The following MNAT1 variants were observed in gnomAD, a reference collection of about 807,000 sequenced individuals.
The protein encoded by MNAT1 is MNAT1 component of CDK activating kinase.
A neutral mutation model predicts 42.0 loss-of-function variants in MNAT1; 43 were observed. That is an observed-to-expected ratio of 1.02 (90% confidence interval 0.80 to 1.32). The LOEUF (loss-of-function observed/expected upper bound fraction) is 1.32. Among genes scored for constraint, MNAT1 ranks in the 40% most tolerant of loss-of-function variants. The probability of loss-of-function intolerance (pLI) is 0.00; values close to 1 mark genes in which losing one functional copy is unlikely to be tolerated. For missense variants in MNAT1, 306 were observed against 350.4 expected (o/e 0.87, Z 1.01); for synonymous variants, 118 against 120.0 (o/e 0.98, Z 0.11).
Position 60,734,762 on chromosome 14 carries a change from A to C in MNAT1, c.-101A>C, listed in dbSNP as rs1420861131. On this transcript the variant is annotated 5_prime_UTR_variant, in exon 1 of 8. Transcript: ENST00000261245. This position sits in a 1 kb window ranked among gnomAD's most constrained non-coding sequence, Gnocchi z 4.3. Reference sequence around the variant, plus strand: ...TTTCGCGAAGGGACCGTCTCTGCCAAGCGCCTGTTGGTAGGAACCTGCTTG... The same window carrying C: ...TTTCGCGAAGGGACCGTCTCTGCCACGCGCCTGTTGGTAGGAACCTGCTTG... The C allele has an allele frequency of 9.7e-7, 1 of 1,029,478 alleles. No homozygotes were observed. The highest frequency in any genetic ancestry group is 1.4e-5 in the South Asian group (1 of 73,218). The allele number at this position is 1,029,478 out of a possible 1,614,324, so 63.8% of individuals were successfully genotyped here.
intron 1 of MNAT1, among the ~76,000 whole-genome samples, chr14:60,767,845 A>G (rs892198557): frequency 1.3e-5 from 2 of 151,408 alleles, no homozygotes; most frequent in Non-Finnish European, 2.9e-5. Flanking sequence ...GCTCACTGCA[A>G]CCTCCGCTCC....
At chr14:60,789,390 A>G (rs992906473) in intron 1 of MNAT1, among the ~76,000 whole-genome samples, 7 of 152,208 alleles carry the variant, frequency 4.6e-5, no homozygotes, top group Admixed American at 3.9e-4. Flanking sequence ...TGTGAGAATT[A>G]CCAAAATGTG....
At chr14:60,887,562 CTCA>C (rs1195321068) in intron 7 of MNAT1, among the ~76,000 whole-genome samples, 1 of 151,824 alleles carries the variant, frequency 6.6e-6, no homozygotes, top group African/African-American at 2.4e-5. Flanking sequence ...AGGACATGAA[CTCA>C]TCATTTTTCA....
At chr14:60,892,741 A>C (rs1453140797) in intron 7 of MNAT1, among the ~76,000 whole-genome samples, 1 of 151,644 alleles carries the variant, frequency 6.6e-6, no homozygotes, top group Non-Finnish European at 1.5e-5. Context: ...CTTATCCTCT[A>C]TTGTGTATAT....
chr14:60,858,705 A>G (rs1270956136), intron 6 of MNAT1, among the ~76,000 whole-genome samples: 1 of 152,194 alleles, frequency 6.6e-6, no homozygotes, highest in African/African-American at 2.4e-5. Context: ...CAGCTAGTCC[A>G]ATCTTTAGCA....
chr14:60,869,040 A>ATTTTTT (rs71114162), intron 6 of MNAT1, among the ~76,000 whole-genome samples: 2 of 113,054 alleles, frequency 1.8e-5, no homozygotes, highest in African/African-American at 3.4e-5. Context: ...ATATATATAT[A>ATTTTTT]TTTTTTTTTT....
At chr14:60,892,076 G>C (rs537016530) in intron 7 of MNAT1, among the ~76,000 whole-genome samples, 15 of 152,194 alleles carry the variant, frequency 9.9e-5, no homozygotes, top group Admixed American at 8.5e-4. Context: ...AATATGGCCT[G>C]TCCTGGAAAA....
chr14:60,849,639 C>CT (rs558916490), intron 6 of MNAT1, among the ~76,000 whole-genome samples: 19 of 151,954 alleles, frequency 1.3e-4, no homozygotes, highest in Non-Finnish European at 2.1e-4. Flanking sequence ...TAATTCCCTT[C>CT]TTTTTTTTAC....
At chr14:60,936,941 CATT>C (rs1347694214) in intron 7 of MNAT1, among the ~76,000 whole-genome samples, 5 of 152,004 alleles carry the variant, frequency 3.3e-5, no homozygotes, top group Admixed American at 2.0e-4. Flanking sequence ...GATGGTATCT[CATT>C]GTGGTTTTGA....
At chr14:60,849,300 A>G (rs2033761805) in intron 6 of MNAT1, among the ~76,000 whole-genome samples, 1 of 152,202 alleles carries the variant, frequency 6.6e-6, no homozygotes. Context: ...AAGATACAAA[A>G]CGTTCCTTCT....
At chr14:60,915,896 C>G (rs1385667816) in intron 7 of MNAT1, among the ~76,000 whole-genome samples, 1 of 152,194 alleles carries the variant, frequency 6.6e-6, no homozygotes, top group Non-Finnish European at 1.5e-5. Context: ...CAATAGTATT[C>G]TTACTGTCCT....
intron 1 of MNAT1, among the ~76,000 whole-genome samples, chr14:60,749,128 A>C (rs774239365): frequency 3.3e-5 from 5 of 152,202 alleles, no homozygotes; most frequent in Non-Finnish European, 7.3e-5. Flanking sequence ...ATGACTATAT[A>C]TAGTTTTGAA....
chr14:60,874,131 C>T (rs1033788558), intron 6 of MNAT1, among the ~76,000 whole-genome samples: 22 of 152,292 alleles, frequency 1.4e-4, no homozygotes, highest in East Asian at 3.9e-4. Flanking sequence ...AGTGTATTCA[C>T]GCTCTCTTTT....
chr14:60,754,649 A>G (rs1457211526), intron 1 of MNAT1, among the ~76,000 whole-genome samples: 2 of 152,080 alleles, frequency 1.3e-5, no homozygotes, highest in Admixed American at 6.5e-5. Context: ...GCGCCTGGCA[A>G]TAGGGAGAAA....
At chr14:60,772,684 C>A (rs2031103671) in intron 1 of MNAT1, among the ~76,000 whole-genome samples, 1 of 151,776 alleles carries the variant, frequency 6.6e-6, no homozygotes, top group Admixed American at 6.6e-5. Flanking sequence ...TTAGTGGTTT[C>A]ATCACAGGAT....
At chr14:60,771,648 C>T (rs2031061734) in intron 1 of MNAT1, among the ~76,000 whole-genome samples, 1 of 152,174 alleles carries the variant, frequency 6.6e-6, no homozygotes, top group East Asian at 1.9e-4. Context: ...TTATTACAAT[C>T]CTTGCCTACC....
chr14:60,895,738 C>A (rs531302101), intron 7 of MNAT1, among the ~76,000 whole-genome samples: 3 of 152,226 alleles, frequency 2.0e-5, no homozygotes, highest in East Asian at 3.9e-4. Flanking sequence ...TCAAGACCAG[C>A]CTGGTCAACA....
At chr14:60,840,533 A>G (rs1239264028) in intron 6 of MNAT1, among the ~76,000 whole-genome samples, 5 of 152,182 alleles carry the variant, frequency 3.3e-5, no homozygotes, top group Non-Finnish European at 4.4e-5. Context: ...CTTGGTGTAA[A>G]TGCAGAGATG....
chr14:60,809,897 C>G (rs1382643396), intron 4 of MNAT1, among the ~76,000 whole-genome samples: 1 of 152,006 alleles, frequency 6.6e-6, no homozygotes, highest in Non-Finnish European at 1.5e-5. Flanking sequence ...AAGTGTCTCC[C>G]TCTTCAATTT....
Sources: gnomAD v4.1 joint callset for allele counts (sites outside exome capture counted in the v4.1 genomes callset) on GRCh38, gnomAD v4.1.1 for gene constraint, Gnocchi (gnomAD v3.1) non-coding constraint, MANE v1.5 for transcripts, NCBI Gene and HGNC (gene_info 2026-07-23, HGNC 2026-07-21) for gene names.